PRKD1: variants seen among roughly 807,000 people sequenced by gnomAD.
The protein encoded by PRKD1 is serine/threonine-protein kinase D1.
Under a neutral mutation model 95.9 loss-of-function variants are expected in PRKD1, and 63 were observed. The ratio of observed to expected loss-of-function variants is 0.66; its 90% CI spans 0.54 to 0.81. PRKD1 has a LOEUF of 0.81. Ranked by LOEUF, PRKD1 falls within the 30% of genes least tolerant of loss-of-function variation. The pLI is 0.00. For missense variants in PRKD1, 1,048 were observed against 1,165.3 expected (o/e 0.90, Z 1.47); for synonymous variants, 425 against 423.1 (o/e 1.00, Z -0.05).
At chr14:29,623,281 T>C (rs906755504) in intron 13 of PRKD1, among the ~76,000 whole-genome samples, 12 of 152,226 alleles carry the variant, frequency 7.9e-5, no homozygotes, top group Admixed American at 3.3e-4. Flanking sequence ...TCTGTGCACA[T>C]GAGCTCCCTT....
At chr14:29,582,267 A>G (rs1194908744) in intron 16 of PRKD1, among the ~76,000 whole-genome samples, 3 of 152,208 alleles carry the variant, frequency 2.0e-5, no homozygotes, top group Admixed American at 2.0e-4. Flanking sequence ...TGTCAAGGAT[A>G]AATACTGAGC....
At chr14:29,737,350 A>T (rs1385552942) in intron 1 of PRKD1, among the ~76,000 whole-genome samples, 1 of 147,912 alleles carries the variant, frequency 6.8e-6, no homozygotes, top group Non-Finnish European at 1.5e-5. Context: ...AAAAAAAAAA[A>T]AAAAAAAAAA....
At chr14:29,712,412 C>T (rs2139359513) in intron 2 of PRKD1, among the ~76,000 whole-genome samples, 1 of 152,074 alleles carries the variant, frequency 6.6e-6, no homozygotes, top group Middle Eastern at 3.4e-3. Flanking sequence ...TAAGATGAGA[C>T]CCAGGGTTAG....
At chr14:29,770,724 T>G (rs2139136898) in intron 1 of PRKD1, among the ~76,000 whole-genome samples, 1 of 152,198 alleles carries the variant, frequency 6.6e-6, no homozygotes, top group South Asian at 2.1e-4. Context: ...CCCAGCACTT[T>G]GGGAGACCAA....
intron 1 of PRKD1, among the ~76,000 whole-genome samples, chr14:29,805,160 T>A (rs1890184839): frequency 1.3e-5 from 2 of 152,168 alleles, no homozygotes; most frequent in African/African-American, 4.8e-5. Flanking sequence ...TTCTACAACC[T>A]CCTGGGTATT....
At chr14:29,599,324 G>A (rs1192928053) in intron 14 of PRKD1, among the ~76,000 whole-genome samples, 199 bp from the exon 15 acceptor site, 4 of 152,022 alleles carry the variant, frequency 2.6e-5, no homozygotes, top group African/African-American at 7.3e-5. Flanking sequence ...TTCATACAGC[G>A]GCCAAGACAG....
intron 13 of PRKD1, among the ~76,000 whole-genome samples, chr14:29,613,243 T>C (rs1220429073): frequency 1.3e-5 from 2 of 152,374 alleles, no homozygotes; most frequent in Non-Finnish European, 2.9e-5. Context: ...CGTTTTCCTC[T>C]AGAGAAATAA....
At chr14:29,894,518 TTACAC>T (rs1160383337) in intron 1 of PRKD1, among the ~76,000 whole-genome samples, 2 of 152,192 alleles carry the variant, frequency 1.3e-5, no homozygotes, top group Non-Finnish European at 2.9e-5. Flanking sequence ...TTGAAATGTT[TTACAC>T]TGCAGCATGA....
chr14:29,830,217 G>A (rs924501977), intron 1 of PRKD1, among the ~76,000 whole-genome samples: 3 of 152,116 alleles, frequency 2.0e-5, no homozygotes, highest in African/African-American at 7.2e-5. Flanking sequence ...AGACAATAAG[G>A]GTAATCTGAA....
At chr14:29,899,640 G>C (rs77243228) in intron 1 of PRKD1, among the ~76,000 whole-genome samples, 9,881 of 152,182 alleles carry the variant, frequency 0.065, 395 homozygotes, top group South Asian at 0.11. Flanking sequence ...GAGAGAGATT[G>C]TGTCTCAAAA....
At chr14:29,709,356 T>A (rs1361769723) in intron 2 of PRKD1, among the ~76,000 whole-genome samples, 1 of 152,058 alleles carries the variant, frequency 6.6e-6, no homozygotes. Flanking sequence ...AATCCCACCA[T>A]ATAAAAAATA....
At chr14:29,621,434 T>C (rs755416419) in intron 13 of PRKD1, among the ~76,000 whole-genome samples, 1 of 151,972 alleles carries the variant, frequency 6.6e-6, no homozygotes, top group African/African-American at 2.4e-5. Flanking sequence ...CTCTCTTTCT[T>C]CCTTTCCTTT....
intron 1 of PRKD1, among the ~76,000 whole-genome samples, chr14:29,848,067 T>C (rs1892154378): frequency 6.6e-6 from 1 of 152,194 alleles, no homozygotes; most frequent in African/African-American, 2.4e-5. Flanking sequence ...GGGTTAATTC[T>C]GGTCAATGTC....
intron 4 of PRKD1, among the ~76,000 whole-genome samples, chr14:29,651,617 C>G (rs1594396715): frequency 6.8e-6 from 1 of 147,164 alleles, no homozygotes; most frequent in East Asian, 1.9e-4. Flanking sequence ...CTCCTCTCTC[C>G]TTCTCATTAT....
chr14:29,711,960 T>C (rs1885354169), intron 2 of PRKD1, among the ~76,000 whole-genome samples: 1 of 152,178 alleles, frequency 6.6e-6, no homozygotes, highest in African/African-American at 2.4e-5. Flanking sequence ...GGGATCACCA[T>C]TAACAAATAG....
intron 2 of PRKD1, among the ~76,000 whole-genome samples, chr14:29,672,487 C>T (rs966802239): frequency 9.9e-5 from 15 of 151,810 alleles, no homozygotes; most frequent in African/African-American, 3.6e-4. Context: ...AATAAAAACA[C>T]AAAATCATAG....
intron 2 of PRKD1, among the ~76,000 whole-genome samples, chr14:29,707,556 T>C (rs1885150721): frequency 1.3e-5 from 2 of 152,138 alleles, no homozygotes; most frequent in African/African-American, 4.8e-5. Context: ...GGAAGAAACA[T>C]AAATAATAGC....
chr14:29,604,331 G>A (rs1294144138), intron 13 of PRKD1, among the ~76,000 whole-genome samples: 1 of 152,112 alleles, frequency 6.6e-6, no homozygotes, highest in Non-Finnish European at 1.5e-5. Flanking sequence ...ATGAGAGGTA[G>A]GAAAGAGGAG....
chr14:29,927,171 T>G, intron 1 of PRKD1, 78 bp downstream of exon 1: 1 of 1,325,316 alleles, frequency 7.5e-7, no homozygotes, highest in Non-Finnish European at 9.6e-7. Flanking sequence ...GCCGGAAAGT[T>G]GGCGCGGAGA....
Sources: gnomAD v4.1 joint callset for allele counts (sites outside exome capture counted in the v4.1 genomes callset) on GRCh38, gnomAD v4.1.1 for gene constraint, MANE v1.5 for transcripts, NCBI Gene and HGNC (gene_info 2026-07-23, HGNC 2026-07-21) for gene names.